Variants in PPIG observed in about 807,000 individuals in gnomAD.
The protein encoded by PPIG is peptidyl-prolyl cis-trans isomerase G.
PPIG carries 26 observed loss-of-function variants against 87.9 expected under a neutral mutation model. The observed-to-expected ratio is 0.30, with a 90% CI of 0.22 to 0.41. The LOEUF (loss-of-function observed/expected upper bound fraction) is 0.41, where lower values mean the gene tolerates loss of function less well. Ranked by LOEUF, PPIG falls within the 10% of genes least tolerant of loss-of-function variation. The pLI is 1.00. For missense variants in PPIG, 722 were observed against 879.4 expected (o/e 0.82, Z 2.26); for synonymous variants, 308 against 276.5 (o/e 1.11, Z -1.13).
At position 169,639,551 on chromosome 2, in the gene PPIG, G is replaced by A. The variant is rs549251809; in HGVS notation, c.*2028G>A. ...AGTAACCATAGGGAAAAAAATTGTA[G>A]TAATTTCTATAGGCAATATTCTGTT... is the stretch of plus-strand genomic sequence containing the variant. On this transcript the variant is annotated 3_prime_UTR_variant, in exon 14 of 14. Coordinates refer to ENST00000260970, the MANE Select transcript of PPIG (RefSeq NM_004792.3). 6.6e-6 allele frequency: 1 copy of A among 151,982 alleles called. No individual in the cohort carries two copies. 9.4% of individuals were successfully genotyped at this position (151,982 alleles called of 1,614,324 possible).
chr2:169,597,496 T>C (rs192201470), intron 1 of PPIG, among the ~76,000 whole-genome samples: 97 of 124,412 alleles, frequency 7.8e-4, no homozygotes, highest in Non-Finnish European at 1.1e-3. Flanking sequence ...TTTTTCCTTT[T>C]CTTTTCTTTT....
rs1043926184 is a variant in PPIG at position 169,641,336 on chromosome 2, A to G, written c.*3813A>G. 1.3e-5 allele frequency: 2 copies of G among 152,204 alleles called. No homozygotes were observed. The highest frequency in any genetic ancestry group is 4.8e-5 in the African/African-American group (2 of 41,458). 9.4% of individuals were successfully genotyped at this position (152,204 alleles called of 1,614,324 possible). On this transcript the variant is annotated 3_prime_UTR_variant, in exon 14 of 14. Coordinates refer to ENST00000260970, the MANE Select transcript of PPIG (RefSeq NM_004792.3). Reference sequence around the variant, plus strand: ...ACTTTTCTGCAAACTGCATTTTACAAAATTGAAACTTGGAAGCTGTATTAA... The same window carrying G: ...ACTTTTCTGCAAACTGCATTTTACAGAATTGAAACTTGGAAGCTGTATTAA...
At chr2:169,618,058 A>T (rs1685648986) in intron 9 of PPIG, among the ~76,000 whole-genome samples, 1 of 152,216 alleles carries the variant, frequency 6.6e-6, no homozygotes, top group Non-Finnish European at 1.5e-5. Context: ...AGTTTTTAGC[A>T]TGAAGAGCTG....
rs781544230 is a variant in PPIG at position 169,631,099 on chromosome 2, A to G, written c.761+112A>G. On this transcript the variant is annotated intron_variant, in intron 10 of 13. Coordinates refer to ENST00000260970, the MANE Select transcript of PPIG (RefSeq NM_004792.3). ...CTGTTAAAATAGTGAGAAATATAGC[A>G]TGGAGCGTAGGACTTTTGATATTCC... The G allele has an allele frequency of 1.0e-5, 10 of 1,001,636 alleles. No homozygotes were observed. In the African/African-American group the frequency reaches 1.5e-4, roughly 15 times the overall value. 62.0% of individuals were successfully genotyped at this position (1,001,636 alleles called of 1,614,324 possible).
chr2:169,617,577 C>T (rs1012349197), intron 9 of PPIG, among the ~76,000 whole-genome samples: 1 of 152,082 alleles, frequency 6.6e-6, no homozygotes, highest in Non-Finnish European at 1.5e-5. Flanking sequence ...CTTCACATCC[C>T]GTGTAAGTTG....
At chr2:169,600,486 C>A (rs1685150612) in intron 1 of PPIG, among the ~76,000 whole-genome samples, 1 of 152,116 alleles carries the variant, frequency 6.6e-6, no homozygotes, top group African/African-American at 2.4e-5. Context: ...GGAATGTTTG[C>A]AATATACTTA....
At chr2:169,592,212 G>T (rs887921914) in intron 1 of PPIG, among the ~76,000 whole-genome samples, 1 of 148,160 alleles carries the variant, frequency 6.7e-6, no homozygotes, top group African/African-American at 2.5e-5. Context: ...GTATCTCCTA[G>T]CATTATTTTT....
intron 9 of PPIG, among the ~76,000 whole-genome samples, chr2:169,622,039 C>G (rs1301375909): frequency 6.6e-6 from 1 of 151,880 alleles, no homozygotes; most frequent in African/African-American, 2.4e-5. Context: ...GCCTGGGTGA[C>G]ACAACAAGGC....
chr2:169,633,057 T>G, intron 11 of PPIG, 103 bp from the exon 12 acceptor site: 2 of 837,230 alleles, frequency 2.4e-6, no homozygotes, highest in Non-Finnish European at 4.0e-6. Context: ...ATTACAGGCA[T>G]GAGCCACCGC....
chr2:169,629,047 C>T lies in PPIG; in HGVS notation c.548-1727C>T, dbSNP rs1056412531. ...TGGGGCTAAAGGAAAGGTCACAAATCAGCTGTTAACCCTTTCAACTAAGGT... is the reference window on the plus strand; with the variant it reads ...TGGGGCTAAAGGAAAGGTCACAAATTAGCTGTTAACCCTTTCAACTAAGGT... On this transcript the variant is annotated intron_variant, in intron 9 of 13. Transcript: ENST00000260970. Among the ~76,000 whole-genome samples the T allele has an allele frequency of 4.0e-5, 6 of 150,378 alleles. No homozygotes were observed. The East Asian group carries it at 1.2e-3, about 30-fold the overall frequency.
At chr2:169,606,919 TA>T (rs1347243142) in intron 5 of PPIG, among the ~76,000 whole-genome samples, 184 bp from the exon 6 acceptor site, 3 of 152,160 alleles carry the variant, frequency 2.0e-5, no homozygotes, top group Non-Finnish European at 4.4e-5. Flanking sequence ...TATCATAGCA[TA>T]GGGGAAAGAA....
rs557833401 is a variant in PPIG at position 169,638,951 on chromosome 2, A to G, written c.*1428A>G. The G allele has an allele frequency of 7.2e-5, 11 of 152,006 alleles. No homozygotes were observed. In the South Asian group the frequency reaches 2.3e-3, roughly 32 times the overall value. The allele number at this position is 152,006 out of a possible 1,614,324, so 9.4% of individuals were successfully genotyped here. On this transcript the variant is annotated 3_prime_UTR_variant, in exon 14 of 14. Transcript: ENST00000260970. ...TTTAATATTTGTCAGTGTAGTGTCAACTCTGTTACCAAGGTAGCTTCTTGG... is the reference window on the plus strand; with the variant it reads ...TTTAATATTTGTCAGTGTAGTGTCAGCTCTGTTACCAAGGTAGCTTCTTGG...
Position 169,606,129 on chromosome 2 carries a change from G to A in PPIG, c.227G>A (p.Gly76Asp). The part of the protein sequence containing the change: ...HRVVKDFMVQ[G>D]GDFSEGNGRG... Reference sequence around the variant, plus strand: ...GTTGTCAAGGATTTTATGGTTCAAGGTGGTGACTTCAGTGAAGGTGAGACT... The same window carrying A: ...GTTGTCAAGGATTTTATGGTTCAAGATGGTGACTTCAGTGAAGGTGAGACT... Residue 76 changes from glycine (G) to aspartate (D), a missense_variant, in exon 5 of 14, where the codon GGT becomes GAT. Physicochemically the swap from Gly to Asp is moderately conservative, Grantham distance 94. Transcript: ENST00000260970. The A allele has an allele frequency of 6.2e-7, 1 of 1,605,734 alleles. No individual in the cohort carries two copies. Among genetic ancestry groups the A allele is most frequent in the Non-Finnish European group, 8.5e-7 (1 of 1,172,492 alleles).
chr2:169,610,191 G>A (rs141977878), intron 7 of PPIG, among the ~76,000 whole-genome samples: 190 of 152,322 alleles, frequency 1.2e-3, no homozygotes, highest in Non-Finnish European at 1.9e-3. Flanking sequence ...CTGTTCAACA[G>A]TGAGAAATCT....
At chr2:169,629,905 G>A (rs1049868786) in intron 9 of PPIG, among the ~76,000 whole-genome samples, 2 of 152,064 alleles carry the variant, frequency 1.3e-5, no homozygotes, top group Non-Finnish European at 2.9e-5. Context: ...GTATCACTGT[G>A]AACTAATGTA....
At position 169,630,915 on chromosome 2, in the gene PPIG, G is replaced by T. The variant is rs201618582; in HGVS notation, c.689G>T (p.Arg230Ile). ...ESATEEKSKK[R>I]KKKHRKNSRK... ...GCTACTGAAGAGAAATCAAAGAAAA[G>T]AAAAAAGAAACATCGGAAAAATTCC... The change falls in exon 10 of 14, where the codon AGA (arginine) becomes ATA (isoleucine). Residue 230 changes from arginine to isoleucine, a missense_variant. This residue lies in a region of PPIG where 142 missense variants were observed against 152.8 expected (regional missense o/e 0.93). Transcript: ENST00000260970. 6.2e-7 allele frequency: 1 copy of T among 1,601,118 alleles called. No homozygotes were observed.
At chr2:169,590,120 G>A (rs1328562319) in intron 1 of PPIG, among the ~76,000 whole-genome samples, 3 of 122,922 alleles carry the variant, frequency 2.4e-5, no homozygotes, top group African/African-American at 6.1e-5. Flanking sequence ...TCTCAACAAC[G>A]ACAACAACCA....
At chr2:169,591,419 C>G (rs1215991711) in intron 1 of PPIG, among the ~76,000 whole-genome samples, 1 of 151,948 alleles carries the variant, frequency 6.6e-6, no homozygotes, top group Non-Finnish European at 1.5e-5. Flanking sequence ...TTAAAAATAA[C>G]TTTAATCACC....
chr2:169,617,468 C>T (rs754230768), intron 9 of PPIG, among the ~76,000 whole-genome samples: 37 of 152,092 alleles, frequency 2.4e-4, no homozygotes, highest in Non-Finnish European at 4.3e-4. Flanking sequence ...GCCATTTTTA[C>T]GATATTGATT....
Sources: gnomAD v4.1 joint callset for allele counts (sites outside exome capture counted in the v4.1 genomes callset) on GRCh38, gnomAD v4.1.1 for gene constraint, gnomAD v4.1.1 regional missense constraint, MANE v1.5 for transcripts, NCBI Gene and HGNC (gene_info 2026-07-23, HGNC 2026-07-21) for gene names.